The following SMARCE1 variants were observed in gnomAD, a reference collection of about 807,000 sequenced individuals.
The protein encoded by SMARCE1 is SWI/SNF related BAF chromatin remodeling complex subunit E1.
In SMARCE1, 13 loss-of-function variants were observed where a neutral mutation model predicts 54.9. That is an observed-to-expected ratio of 0.24 (90% confidence interval 0.15 to 0.38). SMARCE1 has a LOEUF of 0.38. Ranked by LOEUF, SMARCE1 falls within the 10% of genes least tolerant of loss-of-function variation. The pLI is 1.00. For synonymous variants in SMARCE1, 151 were observed against 175.3 expected (o/e 0.86, Z 1.10); for missense variants, 295 against 523.8 (o/e 0.56, Z 4.26).
At chr17:40,643,244 C>T (rs1488505807) in intron 3 of SMARCE1, 1 of 152,190 alleles carries the variant, frequency 6.6e-6, no homozygotes, top group African/African-American at 2.4e-5. Flanking sequence ...ATCTTTTTAA[C>T]CCAGTCATTC....
chr17:40,631,876 A>G, intron 8 of SMARCE1, 183 bp from the exon 9 acceptor site: 1 of 575,910 alleles, frequency 1.7e-6, no homozygotes, highest in Non-Finnish European at 3.1e-6. Context: ...GTTAAAGAAT[A>G]CTGTTTCAGG....
chr17:40,628,736 CAT>C lies in SMARCE1; in HGVS notation c.*47_*48del. The C allele has an allele frequency of 6.6e-7, 1 of 1,506,176 alleles. No individual in the cohort carries two copies. Among genetic ancestry groups the C allele is most frequent in the African/African-American group, 1.4e-5 (1 of 72,590 alleles). The allele number at this position is 1,506,176 out of a possible 1,614,324, so 93.3% of individuals were successfully genotyped here. A position where few individuals can be genotyped will look rare whatever the true frequency, so the allele number is the denominator to read the frequency against. ...ACGTAACACCATTAAAACCAAAAAACATTTTTTCATTAAAAAAAGTATTTAGA... is the reference window on the plus strand; with the variant it reads ...ACGTAACACCATTAAAACCAAAAAACTTTTTCATTAAAAAAAGTATTTAGA... On this transcript the variant is annotated 3_prime_UTR_variant, in exon 11 of 11. Coordinates refer to ENST00000348513, the MANE Select transcript of SMARCE1 (RefSeq NM_003079.5).
chr17:40,640,304 G>T (rs2037185225), intron 4 of SMARCE1, among the ~76,000 whole-genome samples: 1 of 152,206 alleles, frequency 6.6e-6, no homozygotes, highest in Non-Finnish European at 1.5e-5. Context: ...TCATCTGAAT[G>T]AAGAACTGAC....
At chr17:40,635,234 A>G (rs2037134654) in intron 7 of SMARCE1, 1 of 151,352 alleles carries the variant, frequency 6.6e-6, no homozygotes, top group Non-Finnish European at 1.5e-5. Context: ...AGCAGTATAC[A>G]GAGAAACTAT....
At chr17:40,634,679 G>A (rs1011260992) in intron 7 of SMARCE1, 3 of 152,310 alleles carry the variant, frequency 2.0e-5, no homozygotes, top group East Asian at 3.9e-4. Context: ...GTTTCAGACT[G>A]TTTCTGAGTG....
intron 7 of SMARCE1, 35 bp from the exon 8 acceptor site, chr17:40,632,402 C>T (rs779985407): frequency 7.0e-6 from 11 of 1,581,060 alleles, no homozygotes; most frequent in Non-Finnish European, 9.5e-6. Flanking sequence ...AATCAGGTCA[C>T]CAGTAACCAT....
chr17:40,631,442 TA>T (rs35488895), intron 9 of SMARCE1, 149 bp downstream of exon 9: 10 of 566,628 alleles, frequency 1.8e-5, no homozygotes, highest in African/African-American at 3.7e-5. Context: ...AACAATCTTA[TA>T]AAAAAAGGAT....
chr17:40,630,932 GA>G lies in SMARCE1; in HGVS notation c.817-9del, dbSNP rs747318581. The stretch of plus-strand genomic sequence containing the variant: ...TACTTTCAGACCGCACAACTAATCA[GA>G]AAAAAACAGAACTCCGTAATGTTTT... On this transcript the variant is annotated splice_polypyrimidine_tract_variant and intron_variant, in intron 9 of 10. Transcript: ENST00000348513. 10 of 1,598,552 alleles carry G rather than the reference GA, an allele frequency of 6.3e-6. No homozygotes were observed. Among genetic ancestry groups the G allele is most frequent in the Non-Finnish European group, 7.7e-6 (9 of 1,170,966 alleles).
chr17:40,645,246 C>A (rs2037243436), intron 3 of SMARCE1: 2 of 381,912 alleles, frequency 5.2e-6, no homozygotes, highest in Non-Finnish European at 9.2e-6. Flanking sequence ...TGAGCATTCA[C>A]TCAGTAACAA....
intron 9 of SMARCE1, chr17:40,631,381 G>T: frequency 2.0e-6 from 1 of 498,908 alleles, no homozygotes; most frequent in Non-Finnish European, 3.6e-6. Context: ...TAGAAGATAT[G>T]TGTATACTCT....
In SMARCE1 at chr17:40,627,024, A is replaced by G. The variant is rs1275119702; in HGVS notation, c.*1761T>C. 6.6e-6 allele frequency: 1 copy of G among 152,164 alleles called. No homozygotes were observed. Among genetic ancestry groups the G allele is most frequent in the Non-Finnish European group, 1.5e-5 (1 of 68,040 alleles). The allele number at this position is 152,164 out of a possible 1,614,324, so 9.4% of individuals were successfully genotyped here. On this transcript the variant is annotated 3_prime_UTR_variant, in exon 11 of 11. Coordinates refer to ENST00000348513, the MANE Select transcript of SMARCE1 (RefSeq NM_003079.5). ...TCGATACCACAGTAAATAACCTGGT[A>G]TCTTGCTGGGGCAGTTTTCCACCCA...
At chr17:40,647,294 G>A (rs1341726780) in intron 1 of SMARCE1, 1 of 152,188 alleles carries the variant, frequency 6.6e-6, no homozygotes, top group Non-Finnish European at 1.5e-5. Context: ...AGGGAGTCTC[G>A]GAAAGTTTAA....
At chr17:40,640,973 C>T (rs1040593776) in intron 4 of SMARCE1, 1 of 152,124 alleles carries the variant, frequency 6.6e-6, no homozygotes, top group Admixed American at 6.5e-5. Context: ...CAGCTACATC[C>T]AAGTTAAGAG....
chr17:40,631,740 G>C (rs762396963), intron 8 of SMARCE1, 47 bp from the exon 9 acceptor site: 1 of 1,036,336 alleles, frequency 9.6e-7, no homozygotes, highest in East Asian at 2.4e-5. Context: ...TTTTTTAATG[G>C]TCCATACTTT....
rs1316145177 is a variant in SMARCE1, at chr17:40,626,278, A to T, written c.*2507T>A. On this transcript the variant is annotated 3_prime_UTR_variant, in exon 11 of 11. Coordinates refer to ENST00000348513, the MANE Select transcript of SMARCE1 (RefSeq NM_003079.5). ...GGATTCCCCTCTCCCATTTGTTAAA[A>T]AAAATTAACAAAATTTAGGCCCTCA... 1 of 152,178 alleles carries T rather than the reference A, an allele frequency of 6.6e-6. No homozygotes were observed. The highest frequency in any genetic ancestry group is 2.4e-5 in the African/African-American group (1 of 41,444). The allele number at this position is 152,178 out of a possible 1,614,324, so 9.4% of individuals were successfully genotyped here. A position where few individuals can be genotyped will look rare whatever the true frequency, so the allele number is the denominator to read the frequency against.
rs992663882 is a variant in SMARCE1, at chr17:40,625,065, A to G, written c.*3720T>C. 1 of 152,258 alleles carries G rather than the reference A, an allele frequency of 6.6e-6. No homozygotes were observed. Among genetic ancestry groups the G allele is most frequent in the Non-Finnish European group, 1.5e-5 (1 of 68,050 alleles). 9.4% of individuals were successfully genotyped at this position (152,258 alleles called of 1,614,324 possible). On this transcript the variant is annotated 3_prime_UTR_variant, in exon 11 of 11. Transcript: ENST00000348513. ...CAAATAGAAAGTTCCATCATTTCAC[A>G]CTTAGAAAGCTGCCACGAAGAGCTT...
intron 9 of SMARCE1, chr17:40,631,326 T>C: frequency 2.8e-6 from 1 of 362,924 alleles, no homozygotes; most frequent in Non-Finnish European, 4.9e-6. Flanking sequence ...AATTAATGAC[T>C]GTATGGGAGT....
In SMARCE1 at chr17:40,625,957, G is replaced by T. The variant is rs905776017; in HGVS notation, c.*2828C>A. 1 of 152,174 alleles carries T rather than the reference G, an allele frequency of 6.6e-6. No individual in the cohort carries two copies. The highest frequency in any genetic ancestry group is 6.5e-5 in the Admixed American group (1 of 15,280). The allele number at this position is 152,174 out of a possible 1,614,324, so 9.4% of individuals were successfully genotyped here. Reference sequence around the variant, plus strand: ...ATTGGGGGACTATGGGGCTGGGCGCGGTGGCTCACGCCTGTAATCCCAGCA... The same window carrying T: ...ATTGGGGGACTATGGGGCTGGGCGCTGTGGCTCACGCCTGTAATCCCAGCA... On this transcript the variant is annotated 3_prime_UTR_variant, in exon 11 of 11. Transcript: ENST00000348513.
chr17:40,631,529 A>G, intron 9 of SMARCE1, 63 bp downstream of exon 9: 4 of 854,296 alleles, frequency 4.7e-6, no homozygotes, highest in African/African-American at 1.7e-5. Context: ...TGGAAAAAAG[A>G]ATGAGGAAAA....
Sources: allele counts gnomAD v4.1 joint callset (sites outside exome capture counted in the v4.1 genomes callset), GRCh38; gene constraint gnomAD v4.1.1; transcripts MANE v1.5; gene names NCBI Gene and HGNC (gene_info 2026-07-23, HGNC 2026-07-21).